The following NMNAT2 variants were observed in gnomAD, a reference collection of about 807,000 sequenced individuals.
NMNAT2 encodes the protein nicotinamide nucleotide adenylyltransferase 2.
NMNAT2 carries 11 observed loss-of-function variants against 41.6 expected under a neutral mutation model. That is an observed-to-expected ratio of 0.26 (90% CI 0.17 to 0.44). NMNAT2 has a LOEUF of 0.44. Ranked by LOEUF, NMNAT2 falls within the 20% of genes least tolerant of loss-of-function variation. NMNAT2 has a pLI of 1.00. For missense variants in NMNAT2, 288 were observed against 407.7 expected, an observed-to-expected ratio of 0.71 and a Z score of 2.53; for synonymous variants, 148 against 151.2, an observed-to-expected ratio of 0.98 and a Z score of 0.16.
At chr1:183,323,771 C>G (rs1466140196) in intron 1 of NMNAT2, among the ~76,000 whole-genome samples, 1 of 151,892 alleles carries the variant, frequency 6.6e-6, no homozygotes, top group Non-Finnish European at 1.5e-5. Context: ...GCATAGGGAA[C>G]ACATCTGACA....
rs751961308 is a variant in NMNAT2, at chr1:183,252,724, C to G, written c.841G>C (p.Asp281His). 1 of 1,613,860 alleles carries G rather than the reference C, an allele frequency of 6.2e-7. No individual in the cohort carries two copies. Among genetic ancestry groups the G allele is most frequent in the Non-Finnish European group, 8.5e-7 (1 of 1,179,810 alleles). The change falls in exon 11 of 11, where the codon GAC becomes CAC. Residue 281 changes from aspartate to histidine, a missense_variant. Transcript: ENST00000287713. ...TKSRLALQHG[D>H]GHVVDYLSQP... is the part of the protein sequence containing the mutation. ...GACAGGTAATCCACAACATGGCCGTCCCCATGCTGCAGGGCCAGCCTGCAC... is the reference window on the plus strand; with the variant it reads ...GACAGGTAATCCACAACATGGCCGTGCCCATGCTGCAGGGCCAGCCTGCAC...
chr1:183,312,126 C>A, intron 1 of NMNAT2, among the ~76,000 whole-genome samples: 1 of 152,056 alleles, frequency 6.6e-6, no homozygotes, highest in East Asian at 1.9e-4. Context: ...ATGTCTTTAC[C>A]GGCAGTGTGA....
At chr1:183,329,093 C>T (rs955104367) in intron 1 of NMNAT2, among the ~76,000 whole-genome samples, 1 of 152,160 alleles carries the variant, frequency 6.6e-6, no homozygotes, top group Non-Finnish European at 1.5e-5. Flanking sequence ...GGGTTCCCTA[C>T]AGCTTTCCAA....
At chr1:183,263,708 T>C (rs967384574) in intron 8 of NMNAT2, among the ~76,000 whole-genome samples, 14 of 152,192 alleles carry the variant, frequency 9.2e-5, no homozygotes, top group Non-Finnish European at 1.5e-4. Flanking sequence ...CTTGGGAGGC[T>C]GAGGCCGGAG....
chr1:183,326,514 A>G (rs1428980648), intron 1 of NMNAT2, among the ~76,000 whole-genome samples: 3 of 152,104 alleles, frequency 2.0e-5, no homozygotes, highest in Non-Finnish European at 4.4e-5. Flanking sequence ...CAGACTTAGA[A>G]GCTTAGCTTT....
chr1:183,288,719 T>C (rs1190048235), intron 4 of NMNAT2, among the ~76,000 whole-genome samples: 1 of 152,180 alleles, frequency 6.6e-6, no homozygotes, highest in East Asian at 1.9e-4. Context: ...TGACATGTAG[T>C]GTGAGAAATA....
intron 8 of NMNAT2, among the ~76,000 whole-genome samples, chr1:183,277,757 C>A (rs1481276842): frequency 6.6e-6 from 1 of 152,076 alleles, no homozygotes; most frequent in East Asian, 1.9e-4. Context: ...CTGTAGATAA[C>A]ATTCTATAGA....
chr1:183,337,384 T>C (rs2102342572), intron 1 of NMNAT2, among the ~76,000 whole-genome samples: 1 of 152,154 alleles, frequency 6.6e-6, no homozygotes, highest in Admixed American at 6.5e-5. Context: ...CAACAACAAA[T>C]TTATCTCTTT....
chr1:183,353,300 C>G (rs191396896), intron 1 of NMNAT2, among the ~76,000 whole-genome samples: 147 of 152,250 alleles, frequency 9.7e-4, no homozygotes, highest in Non-Finnish European at 1.5e-3. Flanking sequence ...GCCACTGTGC[C>G]CAGCCCTGAA....
intron 1 of NMNAT2, among the ~76,000 whole-genome samples, chr1:183,353,970 GTTCAGTGTTGCCAC>G (rs1663123080): frequency 6.6e-6 from 1 of 152,112 alleles, no homozygotes; most frequent in Non-Finnish European, 1.5e-5. Flanking sequence ...TCACTCCATG[GTTCAGTGTTGCCAC>G]AGTTCACTAA....
intron 1 of NMNAT2, among the ~76,000 whole-genome samples, chr1:183,414,568 A>G (rs1172651834): frequency 6.6e-6 from 1 of 152,250 alleles, no homozygotes; most frequent in Admixed American, 6.5e-5. Context: ...GAGATATGAC[A>G]TCACTCATTT....
chr1:183,292,675 C>T, intron 3 of NMNAT2, 115 bp downstream of exon 3: 1 of 930,304 alleles, frequency 1.1e-6, no homozygotes, highest in Non-Finnish European at 1.7e-6. Context: ...ATATCTTGCC[C>T]CTGCCTCCCC....
chr1:183,389,143 C>T (rs1648357487), intron 1 of NMNAT2, among the ~76,000 whole-genome samples: 1 of 152,150 alleles, frequency 6.6e-6, no homozygotes, highest in African/African-American at 2.4e-5. Flanking sequence ...GCCAGCTGGC[C>T]ATCCCTTCAC....
intron 1 of NMNAT2, among the ~76,000 whole-genome samples, chr1:183,351,784 G>A (rs1269917623): frequency 2.0e-5 from 3 of 152,126 alleles, no homozygotes; most frequent in Admixed American, 1.3e-4. Context: ...CAATCCTGGA[G>A]GAGGCTCTAA....
intron 1 of NMNAT2, among the ~76,000 whole-genome samples, chr1:183,361,678 A>T (rs1197821814): frequency 6.6e-6 from 1 of 152,176 alleles, no homozygotes; most frequent in Non-Finnish European, 1.5e-5. Flanking sequence ...TAGCACTGTA[A>T]TCTCTTTGAG....
intron 1 of NMNAT2, among the ~76,000 whole-genome samples, chr1:183,354,728 T>C (rs1396527449): frequency 6.6e-6 from 1 of 152,202 alleles, no homozygotes; most frequent in Non-Finnish European, 1.5e-5. Context: ...CTTTAACTTT[T>C]TCCTCTTTCT....
At position 183,298,205 on chromosome 1, in the gene NMNAT2, C is replaced by A. The variant is rs540672726; in HGVS notation, c.86-4412G>T. On this transcript the variant is annotated intron_variant, in intron 1 of 10. Transcript: ENST00000287713. ...AGAAGTTCTAGTGCACACCATAAGG[C>A]AAGAAAAGGAAATAAAAGGCATACA... Among the ~76,000 whole-genome samples, 6 of 151,874 alleles carry A rather than the reference C, an allele frequency of 4.0e-5. No individual in the cohort carries two copies. In the South Asian group the frequency reaches 1.0e-3, roughly 26 times the overall value.
chr1:183,403,711 T>C (rs1648880694), intron 1 of NMNAT2, among the ~76,000 whole-genome samples: 1 of 152,214 alleles, frequency 6.6e-6, no homozygotes, highest in Admixed American at 6.5e-5. Flanking sequence ...ACTTAAACAT[T>C]CCACAAGGGG....
intron 1 of NMNAT2, among the ~76,000 whole-genome samples, chr1:183,327,556 T>A (rs1571600452): frequency 6.6e-6 from 1 of 152,238 alleles, no homozygotes; most frequent in East Asian, 1.9e-4. Context: ...CCAGCAACTC[T>A]TCTCAAATTC....
Sources: gnomAD v4.1 joint callset for allele counts (sites outside exome capture counted in the v4.1 genomes callset) on GRCh38, gnomAD v4.1.1 for gene constraint, MANE v1.5 for transcripts, NCBI Gene and HGNC (gene_info 2026-07-23, HGNC 2026-07-21) for gene names.